The following CEP63 variants were observed in gnomAD, a reference collection of about 807,000 sequenced individuals.
CEP63 encodes the protein centrosomal protein 63, also known as centrosomal protein of 63 kDa.
In CEP63, 84 loss-of-function variants were observed where a neutral mutation model predicts 89.1. The ratio of observed to expected loss-of-function variants is 0.94; its 90% CI spans 0.79 to 1.13. The LOEUF (loss-of-function observed/expected upper bound fraction) is 1.13. Among genes scored for constraint, CEP63 ranks in the 50% most tolerant of loss-of-function variants. The pLI is 0.00. For synonymous variants in CEP63, 267 were observed against 272.5 expected, an observed-to-expected ratio of 0.98 and a Z score of 0.20; for missense variants, 838 against 813.3, an observed-to-expected ratio of 1.03 and a Z score of -0.37.
At chr3:134,618,172 T>G in the CEP63 span, among the ~76,000 whole-genome samples, 17 of 152,004 alleles carry the variant, frequency 1.1e-4, no homozygotes, top group African/African-American at 4.1e-4. Context: ...TGCCTGTGCT[T>G]GGCAGTGGTG....
the CEP63 span, among the ~76,000 whole-genome samples, chr3:134,685,507 G>A: frequency 4.6e-5 from 7 of 152,222 alleles, no homozygotes; most frequent in Non-Finnish European, 8.8e-5. Flanking sequence ...GTTATAGTCA[G>A]TGGTTGGAAC....
At chr3:134,689,049 G>T in the CEP63 span, among the ~76,000 whole-genome samples, 26,711 of 152,150 alleles carry the variant, frequency 0.18, 2,462 homozygotes, top group Middle Eastern at 0.24. Flanking sequence ...TTTAGTGATG[G>T]TTGGGCACAA....
At chr3:134,593,469 G>A in the CEP63 span, among the ~76,000 whole-genome samples, 1 of 152,150 alleles carries the variant, frequency 6.6e-6, no homozygotes, top group Non-Finnish European at 1.5e-5. Flanking sequence ...CTGGGAGCTG[G>A]CAGAACTGGG....
At chr3:134,522,669 G>C (rs1435532495) in intron 3 of CEP63, among the ~76,000 whole-genome samples, 1 of 151,964 alleles carries the variant, frequency 6.6e-6, no homozygotes, top group African/African-American at 2.4e-5. Flanking sequence ...TGTCCCATGC[G>C]TTCTCATCAC....
At position 134,571,142 on chromosome 3, in the gene CEP63, A is replaced by T. The variant is rs181073202; in HGVS notation, c.1330-3651A>T. 2.0e-5 allele frequency among the ~76,000 whole-genome samples: 3 copies of T among 152,342 alleles called. No homozygotes were observed. In the East Asian group the frequency reaches 5.8e-4, roughly 29 times the overall value. On this transcript the variant is annotated intron_variant, in intron 11 of 11. Coordinates refer to the CEP63 transcript ENST00000354446. ...TCAAGTGTTTTTTAAGAATATGCCA[A>T]AACAGAATGGAAAACACAGCAAGTC...
chr3:134,619,361 C>A, the CEP63 span: 7 of 865,152 alleles, frequency 8.1e-6, no homozygotes, highest in Admixed American at 1.3e-4. Flanking sequence ...TCACCAGCCC[C>A]AGGAAACTAC....
At chr3:134,737,915 G>A in the CEP63 span, among the ~76,000 whole-genome samples, 1 of 152,112 alleles carries the variant, frequency 6.6e-6, no homozygotes, top group Non-Finnish European at 1.5e-5. Context: ...GGTCTCTCAA[G>A]GCTTAGGCCC....
At chr3:134,514,931 C>G (rs1423524513) in intron 3 of CEP63, among the ~76,000 whole-genome samples, 1 of 152,164 alleles carries the variant, frequency 6.6e-6, no homozygotes, top group Non-Finnish European at 1.5e-5. Context: ...GTTGCCCAGG[C>G]TGGACTCGAA....
chr3:134,681,024 T>G, the CEP63 span, among the ~76,000 whole-genome samples: 2 of 152,168 alleles, frequency 1.3e-5, no homozygotes, highest in African/African-American at 4.8e-5. Context: ...GACAGGAGCC[T>G]CTGAACACCC....
the CEP63 span, among the ~76,000 whole-genome samples, chr3:134,674,507 C>G: frequency 6.6e-6 from 1 of 152,152 alleles, no homozygotes; most frequent in Non-Finnish European, 1.5e-5. Context: ...AGACTGAAAG[C>G]CTTCCCCCTA....
chr3:134,661,083 T>C, the CEP63 span, among the ~76,000 whole-genome samples: 1 of 152,152 alleles, frequency 6.6e-6, no homozygotes, highest in South Asian at 2.1e-4. Flanking sequence ...GGAGAGAGAA[T>C]GAAAATTGTG....
chr3:134,625,976 C>T, the CEP63 span, among the ~76,000 whole-genome samples: 6 of 152,250 alleles, frequency 3.9e-5, no homozygotes, highest in Admixed American at 1.3e-4. Context: ...TCAGCTATTG[C>T]TGGGAGGCTG....
At chr3:134,617,436 T>G in the CEP63 span, among the ~76,000 whole-genome samples, 1 of 151,408 alleles carries the variant, frequency 6.6e-6, no homozygotes, top group Non-Finnish European at 1.5e-5. Flanking sequence ...GCAGGGGAGG[T>G]AGAAGGAGAG....
chr3:134,505,205 T>C (rs1236481937), intron 2 of CEP63, among the ~76,000 whole-genome samples: 1 of 152,210 alleles, frequency 6.6e-6, no homozygotes, highest in African/African-American at 2.4e-5. Context: ...TGTCCTTGTG[T>C]TGATTTCTGT....
At chr3:134,719,475 A>G in the CEP63 span, among the ~76,000 whole-genome samples, 3 of 152,208 alleles carry the variant, frequency 2.0e-5, no homozygotes, top group African/African-American at 7.2e-5. Context: ...TTATTGAGGT[A>G]TGTCTTGTGG....
the CEP63 span, among the ~76,000 whole-genome samples, chr3:134,670,098 T>G: frequency 6.6e-6 from 1 of 152,220 alleles, no homozygotes; most frequent in African/African-American, 2.4e-5. Flanking sequence ...GACCCTGATC[T>G]CAGACTTTCA....
At chr3:134,583,695 A>AT (rs752792514) in intron 10 of CEP63, among the ~76,000 whole-genome samples, 14 of 151,896 alleles carry the variant, frequency 9.2e-5, no homozygotes, top group African/African-American at 2.9e-4. Flanking sequence ...ACTTTAGAGT[A>AT]TTTTTTTCCA....
chr3:134,588,922 A>G (rs1418992218), downstream of CEP63, among the ~76,000 whole-genome samples: 6 of 152,252 alleles, frequency 3.9e-5, no homozygotes, highest in African/African-American at 1.4e-4. Flanking sequence ...ACAAAAAGGC[A>G]TCAATAACTC....
chr3:134,584,149 C>A (rs1219848718), intron 10 of CEP63, among the ~76,000 whole-genome samples: 1 of 152,134 alleles, frequency 6.6e-6, no homozygotes, highest in Non-Finnish European at 1.5e-5. Flanking sequence ...TCCTCTTTTC[C>A]TAATTGAATA....
Sources: allele counts gnomAD v4.1 joint callset (sites outside exome capture counted in the v4.1 genomes callset), GRCh38; gene constraint gnomAD v4.1.1; transcripts MANE v1.5; gene names NCBI Gene and HGNC (gene_info 2026-07-23, HGNC 2026-07-21).